The following SMC1B variants were observed in gnomAD, a reference collection of about 807,000 sequenced individuals.
SMC1B encodes the protein structural maintenance of chromosomes protein 1B.
Under a neutral mutation model 157.9 loss-of-function variants are expected in SMC1B, and 60 were observed. That is an observed-to-expected ratio of 0.38 (90% CI 0.31 to 0.47). The LOEUF is 0.47. Ranked by LOEUF, SMC1B falls within the 20% of genes least tolerant of loss-of-function variation. The pLI is 0.99. For synonymous variants in SMC1B, 445 were observed against 483.0 expected (o/e 0.92, Z 1.03); for missense variants, 1,165 against 1,426.2 (o/e 0.82, Z 2.95).
intron 11 of SMC1B, among the ~76,000 whole-genome samples, chr22:45,384,211 C>T (rs941760828): frequency 4.0e-5 from 6 of 148,908 alleles, no homozygotes; most frequent in Non-Finnish European, 5.9e-5. Context: ...CATATCCTTG[C>T]CCATTTTCCC....
At chr22:45,369,105 T>G (rs1048845651) in intron 15 of SMC1B, among the ~76,000 whole-genome samples, 60 of 145,660 alleles carry the variant, frequency 4.1e-4, no homozygotes, top group Non-Finnish European at 7.4e-4. Flanking sequence ...CATTCTTTTG[T>G]TTTTTTTTTT....
chr22:45,345,222 A>G (rs2086538520), intron 24 of SMC1B, among the ~76,000 whole-genome samples: 1 of 152,214 alleles, frequency 6.6e-6, no homozygotes, highest in Non-Finnish European at 1.5e-5. Context: ...ACGAAACAAA[A>G]CTATCCTACT....
chr22:45,399,551 G>T (rs916438339), intron 5 of SMC1B, among the ~76,000 whole-genome samples, 198 bp from the exon 6 acceptor site: 1 of 152,198 alleles, frequency 6.6e-6, no homozygotes, highest in Non-Finnish European at 1.5e-5. Context: ...ACTTTTGAGA[G>T]TGGTACTGTA....
chr22:45,391,175 A>G (rs535509467), intron 9 of SMC1B, among the ~76,000 whole-genome samples: 2 of 151,986 alleles, frequency 1.3e-5, no homozygotes, highest in East Asian at 3.9e-4. Context: ...GGCGCACACC[A>G]TCACGCCTGG....
At position 45,402,574 on chromosome 22, in the gene SMC1B, A is replaced by G. The variant is rs771463808; in HGVS notation, c.616-3T>C. 3 of 1,601,298 alleles carry G rather than the reference A, an allele frequency of 1.9e-6. No homozygotes were observed. The highest frequency in any genetic ancestry group is 2.6e-6 in the Non-Finnish European group (3 of 1,170,776). ...AGGAGACTCTGGTAACGTTCTGCCT[A>G]TAAAAGAGTATAATTCAACAGCAGT... On this transcript the variant is annotated splice_polypyrimidine_tract_variant and splice_region_variant and intron_variant, in intron 4 of 24. Coordinates refer to ENST00000357450, the MANE Select transcript of SMC1B (RefSeq NM_148674.5).
intron 7 of SMC1B, among the ~76,000 whole-genome samples, 192 bp downstream of exon 7, chr22:45,396,154 T>C (rs1182256461): frequency 1.3e-5 from 2 of 152,198 alleles, no homozygotes; most frequent in Non-Finnish European, 2.9e-5. Context: ...TTGCACAAAA[T>C]GCCTCTTCTA....
chr22:45,401,168 TTAA>T (rs1264048141), intron 5 of SMC1B, among the ~76,000 whole-genome samples: 1 of 152,210 alleles, frequency 6.6e-6, no homozygotes, highest in Non-Finnish European at 1.5e-5. Flanking sequence ...ATGTAAGATA[TTAA>T]TAATAGGAGA....
chr22:45,383,988 C>T (rs1021080218), intron 11 of SMC1B, among the ~76,000 whole-genome samples: 55 of 152,188 alleles, frequency 3.6e-4, no homozygotes, highest in Admixed American at 2.0e-3. Flanking sequence ...GAGATAACTG[C>T]CCTTCACAGA....
intron 12 of SMC1B, among the ~76,000 whole-genome samples, chr22:45,372,688 CAG>C (rs1388691072): frequency 1.3e-5 from 2 of 151,578 alleles, no homozygotes; most frequent in Non-Finnish European, 2.9e-5. Context: ...TTAACTCCCT[CAG>C]ACACTCCCTC....
chr22:45,413,155 G>A (rs565280442), intron 1 of SMC1B, among the ~76,000 whole-genome samples: 1 of 152,158 alleles, frequency 6.6e-6, no homozygotes, highest in African/African-American at 2.4e-5. Context: ...CGGGAGCCAG[G>A]AGGTGGAGGG....
At chr22:45,368,565 T>G (rs983327034) in intron 15 of SMC1B, among the ~76,000 whole-genome samples, 1 of 151,602 alleles carries the variant, frequency 6.6e-6, no homozygotes, top group Non-Finnish European at 1.5e-5. Flanking sequence ...TCACCCAGGC[T>G]GGAGTGCACT....
At chr22:45,370,806 G>T (rs1176599269) in intron 14 of SMC1B, among the ~76,000 whole-genome samples, 1 of 152,132 alleles carries the variant, frequency 6.6e-6, no homozygotes. Flanking sequence ...TACCAGAGCT[G>T]GTCTTAAATC....
chr22:45,345,394 G>A, intron 24 of SMC1B, 65 bp downstream of exon 24: 2 of 905,886 alleles, frequency 2.2e-6, no homozygotes, highest in Non-Finnish European at 3.5e-6. Context: ...AAAGCCCAGT[G>A]GCTGTCAGGG....
Position 45,353,290 on chromosome 22 carries a change from G to GA in SMC1B, c.3273+687dup, listed in dbSNP as rs11287252. Among the ~76,000 whole-genome samples the GA allele has an allele frequency of 1.3e-3, 180 of 140,374 alleles. 2 individuals are homozygous for GA. Among genetic ancestry groups the GA allele is most frequent in the African/African-American group, 4.3e-3 (160 of 37,628 alleles). 92.1% of individuals were successfully genotyped at this position (140,374 alleles called of 152,430 possible). On this transcript the variant is annotated intron_variant, in intron 21 of 24. Coordinates refer to ENST00000357450, the MANE Select transcript of SMC1B (RefSeq NM_148674.5). ...AAAAAAAAAAAAAGAAAGAAAGAAA[G>GA]AAAAAAAAAAAGGGTTAATGGGTTT...
chr22:45,368,737 GA>G (rs11323907), intron 15 of SMC1B, among the ~76,000 whole-genome samples: 69,739 of 151,814 alleles, frequency 0.46, 18,202 homozygotes, highest in African/African-American at 0.71. Context: ...GGCTGGTCTT[GA>G]ACTCCTGACC....
At chr22:45,391,617 C>T (rs2087059686) in intron 9 of SMC1B, among the ~76,000 whole-genome samples, 2 of 152,154 alleles carry the variant, frequency 1.3e-5, no homozygotes, top group Non-Finnish European at 2.9e-5. Context: ...CCCTTTCTCA[C>T]AGAAGTGAGA....
At chr22:45,413,385 C>A (rs757017903) in intron 1 of SMC1B, 74 bp downstream of exon 1, 2 of 1,230,838 alleles carry the variant, frequency 1.6e-6, no homozygotes, top group South Asian at 2.8e-5. Flanking sequence ...ACGCCCACAC[C>A]CCACAGGCCA....
chr22:45,365,063 G>A (rs967382977), intron 15 of SMC1B, among the ~76,000 whole-genome samples: 8 of 151,624 alleles, frequency 5.3e-5, no homozygotes, highest in Non-Finnish European at 1.2e-4. Flanking sequence ...GGTCTCGATC[G>A]CCTGACCTCG....
At chr22:45,403,588 G>C (rs2087221991) in intron 4 of SMC1B, among the ~76,000 whole-genome samples, 1 of 152,186 alleles carries the variant, frequency 6.6e-6, no homozygotes, top group Non-Finnish European at 1.5e-5. Flanking sequence ...TGAGTGGCTG[G>C]AAAGACAGGC....
Sources: gnomAD v4.1 joint callset for allele counts (sites outside exome capture counted in the v4.1 genomes callset) on GRCh38, gnomAD v4.1.1 for gene constraint, MANE v1.5 for transcripts, NCBI Gene and HGNC (gene_info 2026-07-23, HGNC 2026-07-21) for gene names.